The following TBC1D8 variants were observed in gnomAD, a reference collection of about 807,000 sequenced individuals.
TBC1D8 encodes the protein TBC1 domain family member 8.
TBC1D8 carries 65 observed loss-of-function variants against 118.8 expected under a neutral mutation model. That is an observed-to-expected ratio of 0.55 (90% CI 0.45 to 0.67). The LOEUF is 0.67. TBC1D8 is among the 30% of genes least tolerant of loss of function. TBC1D8 has a pLI of 0.00. For missense variants in TBC1D8, 1,376 were observed against 1,471.2 expected, an observed-to-expected ratio of 0.94 and a Z score of 1.06; for synonymous variants, 566 against 595.8, an observed-to-expected ratio of 0.95 and a Z score of 0.73.
At chr2:101,090,449 G>T in intron 1 of TBC1D8, 85 bp from the exon 2 acceptor site, 1 of 1,440,910 alleles carries the variant, frequency 6.9e-7, no homozygotes, top group Non-Finnish European at 9.6e-7. Context: ...GTCGCTGTCT[G>T]GACTCCATGC....
At chr2:101,087,126 G>A (rs1164544206) in intron 2 of TBC1D8, among the ~76,000 whole-genome samples, 1 of 151,836 alleles carries the variant, frequency 6.6e-6, no homozygotes, top group Non-Finnish European at 1.5e-5. Flanking sequence ...TTTGTATTGG[G>A]CTGCATTCAA....
intron 1 of TBC1D8, among the ~76,000 whole-genome samples, chr2:101,150,364 T>C (rs1679503132): frequency 6.6e-6 from 1 of 152,110 alleles, no homozygotes; most frequent in Non-Finnish European, 1.5e-5. Flanking sequence ...TAGATACAAA[T>C]GAAAAAGTCT....
At position 101,024,654 on chromosome 2, in the gene TBC1D8, G is replaced by A. The variant is rs144641406; in HGVS notation, c.2521-2133C>T. Among the ~76,000 whole-genome samples the A allele has an allele frequency of 4.6e-5, 7 of 152,172 alleles. No homozygotes were observed. The South Asian group carries it at 8.3e-4, about 18-fold the overall frequency. ...ACTCTGGACCTCAAGTGATCCACCC[G>A]CACTGGCCTCCCACAGTGCTGGGAT... On this transcript the variant is annotated intron_variant, in intron 15 of 19. Transcript: ENST00000409318.
chr2:101,104,786 C>T (rs1293759947), intron 1 of TBC1D8, among the ~76,000 whole-genome samples: 3 of 152,144 alleles, frequency 2.0e-5, no homozygotes, highest in Non-Finnish European at 2.9e-5. Context: ...AAGGCCAAGG[C>T]GGGCAGATAA....
intron 2 of TBC1D8, among the ~76,000 whole-genome samples, chr2:101,075,227 T>C (rs190505731): frequency 1.5e-3 from 234 of 152,088 alleles, no homozygotes; most frequent in African/African-American, 5.4e-3. Context: ...TGAAATCCCA[T>C]CTCTACTAAA....
intron 5 of TBC1D8, among the ~76,000 whole-genome samples, chr2:101,046,231 C>T (rs540112565): frequency 2.0e-5 from 3 of 152,344 alleles, no homozygotes; most frequent in South Asian, 4.1e-4. Context: ...CTGCAGCCCA[C>T]GGCCACTAGG....
chr2:101,150,065 C>T lies in TBC1D8; in HGVS notation c.127+1062G>A, dbSNP rs541219277. ...TCTGCACTCCTCTAACAAACCCAAC[C>T]GCCAGCTTTCTCAGAAGCTAAAGTC... On this transcript the variant is annotated intron_variant, in intron 1 of 19. Transcript: ENST00000409318. Among the ~76,000 whole-genome samples the T allele has an allele frequency of 3.3e-5, 5 of 152,342 alleles. No homozygotes were observed. The South Asian group carries it at 1.0e-3, about 32-fold the overall frequency.
intron 15 of TBC1D8, 90 bp downstream of exon 15, chr2:101,027,293 G>C: frequency 8.3e-7 from 1 of 1,207,720 alleles, no homozygotes. Context: ...AGCCCTGCAG[G>C]CAGCTGCATG....
intron 1 of TBC1D8, among the ~76,000 whole-genome samples, chr2:101,128,570 A>T (rs1678450793): frequency 6.6e-6 from 1 of 152,212 alleles, no homozygotes; most frequent in South Asian, 2.1e-4. Context: ...TCACCATGTG[A>T]TCCAGCAATT....
intron 19 of TBC1D8, 134 bp from the exon 20 acceptor site, chr2:101,008,407 C>T: frequency 1.4e-6 from 1 of 738,176 alleles, no homozygotes; most frequent in Non-Finnish European, 2.1e-6. Context: ...AAGGTAGTCT[C>T]TGCCTTTCCA....
intron 17 of TBC1D8, among the ~76,000 whole-genome samples, chr2:101,013,610 G>A (rs1278292430): frequency 2.0e-5 from 3 of 152,184 alleles, no homozygotes; most frequent in Non-Finnish European, 1.5e-5. Flanking sequence ...GATACCACCA[G>A]CAGGAAGGTC....
At chr2:101,105,609 C>CAT (rs56141474) in intron 1 of TBC1D8, among the ~76,000 whole-genome samples, 45,203 of 140,132 alleles carry the variant, frequency 0.32, 7,264 homozygotes, top group African/African-American at 0.37. Flanking sequence ...AAAAAAAAAA[C>CAT]ATATATATAT....
chr2:101,040,066 G>T, intron 6 of TBC1D8, 112 bp downstream of exon 6: 2 of 1,257,834 alleles, frequency 1.6e-6, no homozygotes, highest in South Asian at 2.8e-5. Context: ...ATCTTTAGAT[G>T]GCAAAACTGT....
At chr2:101,058,311 T>C (rs1682557174) in intron 3 of TBC1D8, among the ~76,000 whole-genome samples, 1 of 152,086 alleles carries the variant, frequency 6.6e-6, no homozygotes, top group South Asian at 2.1e-4. Flanking sequence ...ATTTTGTTCC[T>C]CCAAAATCAA....
intron 2 of TBC1D8, among the ~76,000 whole-genome samples, chr2:101,066,331 C>T (rs1028194781): frequency 1.3e-5 from 2 of 151,810 alleles, no homozygotes; most frequent in African/African-American, 4.8e-5. Flanking sequence ...TCCATATGTT[C>T]AAATGGTAGA....
chr2:101,007,708 G>A lies in TBC1D8; in HGVS notation c.*113C>T. Reference sequence around the variant, plus strand: ...CACAGTTTGTCAGGTTGTTTAGCCAGATGCCCCATTGGTAAGGTAGACTGA... The same window carrying A: ...CACAGTTTGTCAGGTTGTTTAGCCAAATGCCCCATTGGTAAGGTAGACTGA... On this transcript the variant is annotated 3_prime_UTR_variant, in exon 20 of 20. Coordinates refer to ENST00000409318, the MANE Select transcript of TBC1D8 (RefSeq NM_001330348.2). 4 of 1,093,132 alleles carry A rather than the reference G, an allele frequency of 3.7e-6. No homozygotes were observed. The South Asian group carries it at 6.1e-5, about 17-fold the overall frequency. The allele number at this position is 1,093,132 out of a possible 1,614,324, so 67.7% of individuals were successfully genotyped here.
intron 1 of TBC1D8, among the ~76,000 whole-genome samples, chr2:101,137,458 G>A (rs1362618963): frequency 2.0e-5 from 3 of 151,992 alleles, no homozygotes; most frequent in South Asian, 4.1e-4. Flanking sequence ...GACTACAGGC[G>A]CCCGCCACCA....
intron 1 of TBC1D8, among the ~76,000 whole-genome samples, chr2:101,094,961 T>C (rs1279499017): frequency 6.6e-6 from 1 of 152,228 alleles, no homozygotes; most frequent in Non-Finnish European, 1.5e-5. Context: ...GAGCAGTTTA[T>C]AGCTTCTGCT....
At chr2:101,123,377 G>A (rs571843832) in intron 1 of TBC1D8, among the ~76,000 whole-genome samples, 3 of 152,194 alleles carry the variant, frequency 2.0e-5, no homozygotes, top group African/African-American at 4.8e-5. Context: ...AGTATTCAGC[G>A]GTTGTACATA....
Sources: allele counts gnomAD v4.1 joint callset (sites outside exome capture counted in the v4.1 genomes callset), GRCh38; gene constraint gnomAD v4.1.1; transcripts MANE v1.5; gene names NCBI Gene and HGNC (gene_info 2026-07-23, HGNC 2026-07-21).